COPB2: variants seen among roughly 807,000 people sequenced by gnomAD.
COPB2 encodes the protein coat protein complex I subunit beta 2.
COPB2 carries 16 observed loss-of-function variants against 120.8 expected under a neutral mutation model. The observed-to-expected ratio is 0.13, with a 90% CI of 0.09 to 0.20. COPB2 has a LOEUF of 0.20. COPB2 is among the 10% of genes least tolerant of loss of function. The pLI is 1.00. For synonymous variants in COPB2, 332 were observed against 366.3 expected (o/e 0.91, Z 1.07); for missense variants, 794 against 1,076.5 (o/e 0.74, Z 3.67).
Position 139,378,097 on chromosome 3 carries a change from T to C in COPB2, c.448A>G (p.Ile150Val). 6.3e-7 allele frequency: 1 copy of C among 1,590,288 alleles called. No individual in the cohort carries two copies. Among genetic ancestry groups the C allele is most frequent in the South Asian group, 1.1e-5 (1 of 88,060 alleles). The change falls in exon 5 of 22, where the codon ATC (isoleucine) becomes GTC (valine). Residue 150 changes from isoleucine (I) to valine (V), a missense_variant. This residue lies in a region of COPB2 where 610 missense variants were observed against 866.7 expected (regional missense o/e 0.70). Transcript: ENST00000333188. ...AACTGATTGTTATCTTTGGGGTTGA[T>C]CACAATCTGCATAACATAATGGGTG... ...GHTHYVMQIVINPKDNNQFAS... is the reference protein window; with the variant it reads ...GHTHYVMQIVVNPKDNNQFAS...
chr3:139,360,754 C>CT (rs1941403688), intron 17 of COPB2, among the ~76,000 whole-genome samples: 1 of 152,110 alleles, frequency 6.6e-6, no homozygotes, highest in Non-Finnish European at 1.5e-5. Flanking sequence ...CTTCAGGTAC[C>CT]TACTAGAGCA....
At position 139,377,028 on chromosome 3, in the gene COPB2, C is replaced by T. The variant is rs151242174; in HGVS notation, c.504+1013G>A. Among the ~76,000 whole-genome samples the T allele has an allele frequency of 2.8e-3, 422 of 152,150 alleles. 9 individuals are homozygous for T. The East Asian group carries it at 0.062, about 22-fold the overall frequency. On this transcript the variant is annotated intron_variant, in intron 5 of 21. Transcript: ENST00000333188. ...TCTCCCAAAGTGCTGGGATTACAGG[C>T]GTGAGCCACCGTGCCTGGCATGGAA...
intron 5 of COPB2, among the ~76,000 whole-genome samples, chr3:139,376,444 T>C (rs923782950): frequency 6.6e-6 from 1 of 152,196 alleles, no homozygotes; most frequent in South Asian, 2.1e-4. Flanking sequence ...GTAACAAATG[T>C]TTATCAATTA....
chr3:139,363,555 T>C (rs552367803), intron 15 of COPB2, among the ~76,000 whole-genome samples: 64 of 152,294 alleles, frequency 4.2e-4, no homozygotes, highest in South Asian at 8.3e-4. Flanking sequence ...AAATCAACTA[T>C]TGTAATTATT....
chr3:139,358,935 A>C, intron 19 of COPB2, 63 bp downstream of exon 19: 1 of 1,587,786 alleles, frequency 6.3e-7, no homozygotes. Flanking sequence ...CAAAATCTGA[A>C]GTCCTGAATG....
At chr3:139,363,146 C>G (rs1230746983) in intron 15 of COPB2, among the ~76,000 whole-genome samples, 3 of 152,168 alleles carry the variant, frequency 2.0e-5, no homozygotes, top group African/African-American at 7.2e-5. Context: ...AGTTCCTCAG[C>G]AAGTATCCAA....
intron 2 of COPB2, chr3:139,382,995 G>A (rs112835678): frequency 0.012 from 3,804 of 323,420 alleles, 120 homozygotes; most frequent in African/African-American, 0.075. Context: ...GAAAACTAAC[G>A]ATTAAATACT....
Position 139,373,344 on chromosome 3 carries a change from T to G in COPB2, c.963A>C (p.Glu321Asp), listed in dbSNP as rs1169084975. 6.2e-7 allele frequency: 1 copy of G among 1,614,236 alleles called. No individual in the cohort carries two copies. The highest frequency in any genetic ancestry group is 1.7e-5 in the Admixed American group (1 of 60,024). ...NGKIIWAKHS[E>D]VQQANLKAMG... ...TTGCTTTTAGGTTGGCCTGCTGGAC[T>G]TCTGAATGCTTGGCCCAAATTATCT... Residue 321 changes from glutamate to aspartate, a missense_variant, in exon 9 of 22, where the codon GAA becomes GAC. Transcript: ENST00000333188.
intron 2 of COPB2, chr3:139,380,162 C>T (rs1225202538): frequency 2.0e-5 from 3 of 152,006 alleles, no homozygotes; most frequent in Non-Finnish European, 2.9e-5. Flanking sequence ...CAGGTGTGCA[C>T]CACCATGCCA....
In COPB2 at chr3:139,365,446, C is replaced by T. The variant is rs114162630; in HGVS notation, c.1884+1122G>A. ...TTTTAGGGTAGAACAATGGCACTTT[C>T]AGATATTCAAAGTCACAAAACAATT... On this transcript the variant is annotated intron_variant, in intron 15 of 21. Transcript: ENST00000333188. 3.3e-3 allele frequency among the ~76,000 whole-genome samples: 496 copies of T among 152,316 alleles called. 3 individuals carry two copies. Among genetic ancestry groups the T allele is most frequent in the African/African-American group, 0.012 (481 of 41,570 alleles).
chr3:139,366,845 T>C (rs1941527553), intron 14 of COPB2, 70 bp from the exon 15 acceptor site: 1 of 1,530,552 alleles, frequency 6.5e-7, no homozygotes, highest in Non-Finnish European at 9.0e-7. Context: ...CCCGCCAATC[T>C]CCCTCTTGCT....
chr3:139,379,327 C>G (rs1331889680), intron 3 of COPB2, 53 bp downstream of exon 3: 1 of 1,581,898 alleles, frequency 6.3e-7, no homozygotes. Context: ...CAAATTTACA[C>G]AATCATTGAC....
chr3:139,373,862 T>C, intron 7 of COPB2, 54 bp from the exon 8 acceptor site: 3 of 1,601,928 alleles, frequency 1.9e-6, no homozygotes, highest in Non-Finnish European at 2.6e-6. Context: ...GACAATAAAC[T>C]GTGTCAGGTG....
At position 139,357,916 on chromosome 3, in the gene COPB2, C is replaced by G; in HGVS notation, c.2668G>C (p.Glu890Gln). The change falls in exon 22 of 22, where the codon GAA becomes CAA. Residue 890 changes from glutamate to glutamine, a missense_variant. Coordinates refer to ENST00000333188, the MANE Select transcript of COPB2 (RefSeq NM_004766.3). Reference protein sequence around the residue: ...LEVDLDNLELEDIDTTDINLD... With the variant: ...LEVDLDNLELQDIDTTDINLD... The stretch of plus-strand genomic sequence containing the variant: ...TTGATATCTGTTGTGTCAATATCTT[C>G]TAATTCCAAATTATCCAAATCTACT... The G allele has an allele frequency of 6.2e-7, 1 of 1,600,482 alleles. No individual in the cohort carries two copies. The highest frequency in any genetic ancestry group is 8.5e-7 in the Non-Finnish European group (1 of 1,170,366).
intron 2 of COPB2, 28 bp from the exon 3 acceptor site, chr3:139,379,494 T>C: frequency 1.3e-6 from 2 of 1,581,822 alleles, no homozygotes; most frequent in Non-Finnish European, 1.7e-6. Context: ...AATACACAAA[T>C]TGAGCTATAA....
At chr3:139,368,971 TTC>T (rs1240245311) in intron 12 of COPB2, among the ~76,000 whole-genome samples, 1 of 152,196 alleles carries the variant, frequency 6.6e-6, no homozygotes, top group Non-Finnish European at 1.5e-5. Flanking sequence ...AAGTCAAGAA[TTC>T]TCTGACTTCT....
chr3:139,373,444 A>G, intron 8 of COPB2, 32 bp from the exon 9 acceptor site: 2 of 1,610,606 alleles, frequency 1.2e-6, no homozygotes, highest in Non-Finnish European at 1.7e-6. Context: ...CTCAGCAATG[A>G]AAAGGAAAAT....
intron 16 of COPB2, among the ~76,000 whole-genome samples, chr3:139,362,036 C>A (rs980778186): frequency 9.9e-5 from 15 of 152,126 alleles, no homozygotes; most frequent in Admixed American, 9.8e-4. Flanking sequence ...CTTTCAAAAC[C>A]AACATATTTT....
chr3:139,383,342 T>C lies in COPB2; in HGVS notation c.97A>G (p.Ser33Gly), dbSNP rs780949388. ...LHPTEPWMLASLYNGSVCVWN... is the reference protein window; with the variant it reads ...LHPTEPWMLAGLYNGSVCVWN... Reference sequence around the variant, plus strand: ...ACACACACACTGCCATTGTAAAGACTTGCCAACATCCATGGCTCTGTAGGA... The same window carrying C: ...ACACACACACTGCCATTGTAAAGACCTGCCAACATCCATGGCTCTGTAGGA... Residue 33 changes from serine to glycine, a missense_variant, in exon 2 of 22, where the codon AGT (serine) becomes GGT (glycine). Transcript: ENST00000333188. 1.9e-6 allele frequency: 3 copies of C among 1,613,862 alleles called. No homozygotes were observed. The highest frequency in any genetic ancestry group is 2.2e-5 in the East Asian group (1 of 44,854).
Sources: allele counts gnomAD v4.1 joint callset (sites outside exome capture counted in the v4.1 genomes callset), GRCh38; gene constraint gnomAD v4.1.1; regional missense constraint gnomAD v4.1.1; transcripts MANE v1.5; gene names NCBI Gene and HGNC (gene_info 2026-07-23, HGNC 2026-07-21).